Variants in ARPC1A observed in about 807,000 individuals in gnomAD.
The protein encoded by ARPC1A is actin-related protein 2/3 complex subunit 1A.
ARPC1A carries 8 observed loss-of-function variants against 46.9 expected under a neutral mutation model. That is an observed-to-expected ratio of 0.17 (90% CI 0.10 to 0.31). The LOEUF (loss-of-function observed/expected upper bound fraction) is 0.31. Ranked by LOEUF, ARPC1A falls within the 10% of genes least tolerant of loss-of-function variation. ARPC1A has a pLI of 1.00. For synonymous variants in ARPC1A, 152 were observed against 169.0 expected (o/e 0.90, Z 0.78); for missense variants, 286 against 483.6 (o/e 0.59, Z 3.83).
chr7:99,360,808 G>A (rs1173244302), intron 8 of ARPC1A, among the ~76,000 whole-genome samples: 1 of 151,958 alleles, frequency 6.6e-6, no homozygotes, highest in Non-Finnish European at 1.5e-5. Flanking sequence ...TGGCATGGTG[G>A]TACACACCTG....
chr7:99,362,069 C>T (rs533477837), intron 8 of ARPC1A, among the ~76,000 whole-genome samples: 2 of 152,026 alleles, frequency 1.3e-5, no homozygotes, highest in East Asian at 2.0e-4. Flanking sequence ...CTGGGGTGGG[C>T]GGATCACTTG....
intron 3 of ARPC1A, among the ~76,000 whole-genome samples, chr7:99,342,121 A>T (rs1051783265): frequency 1.7e-4 from 26 of 152,248 alleles, no homozygotes; most frequent in African/African-American, 6.3e-4. Context: ...CATCACCTGC[A>T]TTCCACGATT....
intron 7 of ARPC1A, chr7:99,358,814 A>ACAG: frequency 6.0e-6 from 1 of 167,122 alleles, no homozygotes; most frequent in Non-Finnish European, 1.3e-5. Flanking sequence ...TGCGGGCATG[A>ACAG]GCCACCGTGC....
intron 6 of ARPC1A, among the ~76,000 whole-genome samples, chr7:99,356,505 T>A (rs1050043708): frequency 6.6e-6 from 1 of 151,310 alleles, no homozygotes; most frequent in Non-Finnish European, 1.5e-5. Flanking sequence ...CTCAGGAGGC[T>A]GAGGCAGGAG....
At chr7:99,330,076 C>A (rs1430720136) in intron 1 of ARPC1A, among the ~76,000 whole-genome samples, 3 of 149,790 alleles carry the variant, frequency 2.0e-5, no homozygotes, top group Non-Finnish European at 4.4e-5. Context: ...AAAAAAAAAA[C>A]AAATTAAACA....
At chr7:99,362,061 G>A (rs1004696960) in intron 8 of ARPC1A, among the ~76,000 whole-genome samples, 2 of 152,070 alleles carry the variant, frequency 1.3e-5, no homozygotes, top group African/African-American at 4.8e-5. Flanking sequence ...TTGGGAGGCT[G>A]GGGTGGGCGG....
Position 99,359,615 on chromosome 7 carries a change from A to G in ARPC1A, c.860A>G (p.Asp287Gly), listed in dbSNP as rs1305603218. The G allele has an allele frequency of 1.2e-6, 2 of 1,614,122 alleles. No individual in the cohort carries two copies. Among genetic ancestry groups the G allele is most frequent in the Non-Finnish European group, 1.7e-6 (2 of 1,180,024 alleles). ...TGCCTGACCTTCGTCTCCAAGTTAGATATTCCAAAACAGAGCATCCAACGC... is the reference window on the plus strand; with the variant it reads ...TGCCTGACCTTCGTCTCCAAGTTAGGTATTCCAAAACAGAGCATCCAACGC... ...RGCLTFVSKL[D>G]IPKQSIQRNM... The change falls in exon 8 of 10, where the codon GAT becomes GGT. Residue 287 changes from aspartate to glycine, a missense_variant. Asp to Gly is a moderately conservative substitution (Grantham distance 94). Transcript: ENST00000262942.
chr7:99,363,510 C>A (rs1171851697), intron 8 of ARPC1A, 33 bp from the exon 9 acceptor site: 3 of 1,510,074 alleles, frequency 2.0e-6, no homozygotes, highest in Admixed American at 1.7e-5. Context: ...CCACTACATA[C>A]CTTACGATCT....
chr7:99,358,219 A>G, intron 6 of ARPC1A, 121 bp from the exon 7 acceptor site: 1 of 931,044 alleles, frequency 1.1e-6, no homozygotes, highest in Non-Finnish European at 1.6e-6. Flanking sequence ...CTCCTTTTCA[A>G]CATAAGTGCC....
At chr7:99,358,030 A>G (rs1793670503) in intron 6 of ARPC1A, among the ~76,000 whole-genome samples, 1 of 152,184 alleles carries the variant, frequency 6.6e-6, no homozygotes, top group South Asian at 2.1e-4. Context: ...GGCCCGGGAA[A>G]GTGGACCGTG....
At chr7:99,363,817 G>A (rs1424819099) in intron 9 of ARPC1A, among the ~76,000 whole-genome samples, 184 bp downstream of exon 9, 12 of 151,906 alleles carry the variant, frequency 7.9e-5, no homozygotes, top group Non-Finnish European at 1.8e-4. Context: ...TGGGACAGCA[G>A]GCATGCACCA....
At chr7:99,335,213 C>T (rs1793222914) in intron 2 of ARPC1A, among the ~76,000 whole-genome samples, 1 of 152,124 alleles carries the variant, frequency 6.6e-6, no homozygotes, top group African/African-American at 2.4e-5. Flanking sequence ...TGGCCTCGAA[C>T]TCCTGGCCTC....
intron 6 of ARPC1A, among the ~76,000 whole-genome samples, chr7:99,357,280 A>G (rs1354348641): frequency 2.6e-5 from 4 of 152,184 alleles, no homozygotes; most frequent in African/African-American, 4.8e-5. Context: ...ATACCGCACT[A>G]AGGGCTTAAG....
chr7:99,363,448 C>A, intron 8 of ARPC1A, 95 bp from the exon 9 acceptor site: 1 of 872,456 alleles, frequency 1.1e-6, no homozygotes, highest in Non-Finnish European at 1.8e-6. Context: ...GAAGATAATT[C>A]ATTTCCTTAA....
intron 7 of ARPC1A, 89 bp from the exon 8 acceptor site, chr7:99,359,456 G>GTT: frequency 9.3e-7 from 1 of 1,079,158 alleles, no homozygotes; most frequent in Non-Finnish European, 1.3e-6. Flanking sequence ...AAAAAAAAGA[G>GTT]TAAGAGAGGC....
At chr7:99,357,333 G>A (rs1043609953) in intron 6 of ARPC1A, among the ~76,000 whole-genome samples, 1 of 152,028 alleles carries the variant, frequency 6.6e-6, no homozygotes, top group Non-Finnish European at 1.5e-5. Flanking sequence ...TTTATGAAGG[G>A]TGTCCTGAGA....
At chr7:99,350,350 A>C (rs1400729235) in intron 5 of ARPC1A, among the ~76,000 whole-genome samples, 1 of 152,142 alleles carries the variant, frequency 6.6e-6, no homozygotes, top group Non-Finnish European at 1.5e-5. Context: ...GCAAATTCCA[A>C]AGTGAAACAA....
intron 5 of ARPC1A, among the ~76,000 whole-genome samples, chr7:99,351,163 G>C (rs1793537834): frequency 6.6e-6 from 1 of 152,094 alleles, no homozygotes; most frequent in Admixed American, 6.6e-5. Flanking sequence ...GAACTAGGTG[G>C]CACTAACCCA....
At chr7:99,340,255 C>T (rs553848686) in intron 3 of ARPC1A, among the ~76,000 whole-genome samples, 23 of 152,048 alleles carry the variant, frequency 1.5e-4, no homozygotes, top group Non-Finnish European at 2.6e-4. Context: ...CTCTGCCTTC[C>T]AGGTTCAAGC....
Sources: allele counts gnomAD v4.1 joint callset (sites outside exome capture counted in the v4.1 genomes callset), GRCh38; gene constraint gnomAD v4.1.1; transcripts MANE v1.5; gene names NCBI Gene and HGNC (gene_info 2026-07-23, HGNC 2026-07-21).